TSPAN5: variants seen among roughly 807,000 people sequenced by gnomAD.
TSPAN5 encodes tetraspanin 5, also known as tetraspanin-5.
TSPAN5 carries 10 observed loss-of-function variants against 37.1 expected under a neutral mutation model. The observed-to-expected ratio is 0.27, with a 90% confidence interval of 0.17 to 0.46. The LOEUF (loss-of-function observed/expected upper bound fraction) is 0.46, where lower values mean the gene tolerates loss of function less well. Among genes scored for constraint, TSPAN5 ranks in the 20% least tolerant of loss-of-function variants. The probability of loss-of-function intolerance (pLI) is 1.00; values close to 1 mark genes in which losing one functional copy is unlikely to be tolerated. For missense variants in TSPAN5, 195 were observed against 326.6 expected (o/e 0.60, Z 3.11); for synonymous variants, 110 against 118.9 (o/e 0.93, Z 0.48).
chr4:98,509,793 T>C (rs1435772376), intron 1 of TSPAN5: 2 of 152,196 alleles, frequency 1.3e-5, no homozygotes, highest in Non-Finnish European at 2.9e-5. Context: ...GTTACTCTCA[T>C]ATTTATAGGT....
intron 1 of TSPAN5, among the ~76,000 whole-genome samples, chr4:98,647,807 G>T (rs192473980): frequency 1.8e-4 from 28 of 151,794 alleles, no homozygotes; most frequent in Admixed American, 1.5e-3. Context: ...CTAACCATTG[G>T]GTTTGCATAC....
chr4:98,508,429 T>A (rs1165206942), intron 1 of TSPAN5, among the ~76,000 whole-genome samples: 1 of 151,716 alleles, frequency 6.6e-6, no homozygotes, highest in Non-Finnish European at 1.5e-5. Flanking sequence ...CCCACAAATC[T>A]CACCGTTCTG....
At chr4:98,549,899 G>A (rs915824513) in intron 1 of TSPAN5, among the ~76,000 whole-genome samples, 1 of 151,400 alleles carries the variant, frequency 6.6e-6, no homozygotes, top group African/African-American at 2.4e-5. Flanking sequence ...TTAATTAAGT[G>A]CCATTTCTCC....
At chr4:98,571,002 A>G (rs1755106098) in intron 1 of TSPAN5, among the ~76,000 whole-genome samples, 1 of 149,884 alleles carries the variant, frequency 6.7e-6, no homozygotes. Context: ...ACAGAGCAAG[A>G]CTCTATCTCA....
chr4:98,539,020 T>A (rs1560528810), intron 1 of TSPAN5, among the ~76,000 whole-genome samples: 1 of 152,090 alleles, frequency 6.6e-6, no homozygotes, highest in African/African-American at 2.4e-5. Flanking sequence ...TCCTCTGTTA[T>A]CTGTAACAGT....
intron 1 of TSPAN5, among the ~76,000 whole-genome samples, chr4:98,540,382 G>A (rs1754331138): frequency 6.6e-6 from 1 of 151,938 alleles, no homozygotes; most frequent in Admixed American, 6.6e-5. Context: ...TTGTAGCCCA[G>A]GCTGGAGTGC....
intron 1 of TSPAN5, among the ~76,000 whole-genome samples, chr4:98,592,445 T>A (rs1755667610): frequency 6.7e-6 from 1 of 149,240 alleles, no homozygotes; most frequent in South Asian, 2.1e-4. Context: ...TTTTTTTTTT[T>A]TTTATTATAC....
chr4:98,578,976 G>A (rs969983966), intron 1 of TSPAN5, among the ~76,000 whole-genome samples: 1 of 152,076 alleles, frequency 6.6e-6, no homozygotes, highest in Non-Finnish European at 1.5e-5. Flanking sequence ...CCACACCCTT[G>A]ACTGCACTAG....
intron 1 of TSPAN5, among the ~76,000 whole-genome samples, chr4:98,657,103 G>C (rs1173911051): frequency 6.6e-6 from 1 of 152,142 alleles, no homozygotes; most frequent in Non-Finnish European, 1.5e-5. Flanking sequence ...GGGATGAGAA[G>C]GGGAAGAAAA....
At chr4:98,481,433 G>A (rs1243210976) in intron 4 of TSPAN5, among the ~76,000 whole-genome samples, 1 of 152,144 alleles carries the variant, frequency 6.6e-6, no homozygotes, top group Non-Finnish European at 1.5e-5. Context: ...AATGCTCAGG[G>A]ATAGGAGAGA....
chr4:98,579,347 C>A (rs1755317353), intron 1 of TSPAN5, among the ~76,000 whole-genome samples: 1 of 152,168 alleles, frequency 6.6e-6, no homozygotes, highest in African/African-American at 2.4e-5. Context: ...CAGCATTTTA[C>A]CTATAAACCA....
chr4:98,620,426 C>T (rs1425224205), intron 1 of TSPAN5, among the ~76,000 whole-genome samples: 1 of 152,180 alleles, frequency 6.6e-6, no homozygotes, highest in Admixed American at 6.5e-5. Flanking sequence ...TTCACATTCT[C>T]CCATCATGGA....
intron 1 of TSPAN5, chr4:98,560,064 G>C (rs956597448): frequency 6.6e-6 from 1 of 152,206 alleles, no homozygotes; most frequent in African/African-American, 2.4e-5. Context: ...CTAAGCAGAA[G>C]TATATTTTGT....
intron 1 of TSPAN5, among the ~76,000 whole-genome samples, chr4:98,637,257 C>T (rs952358281): frequency 6.6e-6 from 1 of 152,200 alleles, no homozygotes; most frequent in Non-Finnish European, 1.5e-5. Context: ...GGGAGCATCA[C>T]GCACATTCCA....
At chr4:98,594,189 CT>C (rs1399777248) in intron 1 of TSPAN5, among the ~76,000 whole-genome samples, 1 of 131,714 alleles carries the variant, frequency 7.6e-6, no homozygotes, top group African/African-American at 3.5e-5. Context: ...GTATTTTATT[CT>C]CTTTGAAGTA....
intron 1 of TSPAN5, among the ~76,000 whole-genome samples, chr4:98,545,208 T>C (rs1254919905): frequency 6.6e-6 from 1 of 152,218 alleles, no homozygotes; most frequent in African/African-American, 2.4e-5. Context: ...CTGGTGGCTG[T>C]TTCTGCCACT....
chr4:98,543,310 T>C (rs1235396347), intron 1 of TSPAN5, among the ~76,000 whole-genome samples: 1 of 152,138 alleles, frequency 6.6e-6, no homozygotes, highest in East Asian at 1.9e-4. Context: ...GTTAGAAAGC[T>C]TCCATTAGAT....
chr4:98,636,051 T>G (rs1756851474), intron 1 of TSPAN5, among the ~76,000 whole-genome samples: 1 of 152,204 alleles, frequency 6.6e-6, no homozygotes, highest in Admixed American at 6.5e-5. Context: ...ATTACCTCTT[T>G]ATTCTTTACA....
chr4:98,482,257 G>T, intron 3 of TSPAN5, 82 bp from the exon 4 acceptor site: 1 of 1,277,554 alleles, frequency 7.8e-7, no homozygotes, highest in Non-Finnish European at 1.1e-6. Flanking sequence ...TCTCTAAACA[G>T]GTTTGTAATT....
Sources: allele counts gnomAD v4.1 joint callset (sites outside exome capture counted in the v4.1 genomes callset), GRCh38; gene constraint gnomAD v4.1.1; transcripts MANE v1.5; gene names NCBI Gene and HGNC (gene_info 2026-07-23, HGNC 2026-07-21).